The following NEBL variants were observed in gnomAD, a reference collection of about 807,000 sequenced individuals.
NEBL encodes nebulette, also known as LIM and SH3 protein 2.
NEBL carries 122 observed loss-of-function variants against 140.2 expected under a neutral mutation model. The observed-to-expected ratio is 0.87, with a 90% confidence interval of 0.75 to 1.01. NEBL has a LOEUF of 1.01. NEBL is among the 50% of genes least tolerant of loss of function. The pLI, the probability that NEBL is intolerant of heterozygous loss-of-function variation, is 0.00. For synonymous variants in NEBL, 436 were observed against 398.9 expected, an observed-to-expected ratio of 1.09 and a Z score of -1.11; for missense variants, 1,365 against 1,231.3, an observed-to-expected ratio of 1.11 and a Z score of -1.62.
chr10:21,164,422 C>G (rs1840678651), intron 2 of NEBL, among the ~76,000 whole-genome samples: 1 of 152,322 alleles, frequency 6.6e-6, no homozygotes, highest in Middle Eastern at 3.4e-3. Flanking sequence ...AAAGAGGACC[C>G]ACTGAAATGT....
chr10:21,239,645 C>T (rs919666131), intron 3 of NEBL, among the ~76,000 whole-genome samples: 4 of 152,152 alleles, frequency 2.6e-5, no homozygotes, highest in African/African-American at 7.2e-5. Context: ...GGGCCTTGAC[C>T]CTTCTCCCTT....
intron 3 of NEBL, among the ~76,000 whole-genome samples, chr10:20,983,700 T>C (rs531290707): frequency 4.6e-5 from 7 of 152,202 alleles, no homozygotes; most frequent in Non-Finnish European, 8.8e-5. Flanking sequence ...CTCATTAATA[T>C]TGGCTAGGCC....
intron 2 of NEBL, among the ~76,000 whole-genome samples, chr10:21,126,385 G>A (rs1838836026): frequency 6.6e-6 from 1 of 152,042 alleles, no homozygotes; most frequent in East Asian, 1.9e-4. Flanking sequence ...CACATAACTA[G>A]GAGCTCAAAG....
At chr10:20,789,586 G>T (rs1835742295) in intron 26 of NEBL, among the ~76,000 whole-genome samples, 1 of 152,152 alleles carries the variant, frequency 6.6e-6, no homozygotes. Context: ...GGTGGCTCAT[G>T]CCTGTAATCC....
intron 4 of NEBL, among the ~76,000 whole-genome samples, chr10:20,926,919 A>T (rs1833940328): frequency 6.6e-6 from 1 of 152,236 alleles, no homozygotes; most frequent in South Asian, 2.1e-4. Context: ...AAATGCATAG[A>T]TGAAAGAGAC....
chr10:21,081,487 T>C (rs1351366003), intron 2 of NEBL, among the ~76,000 whole-genome samples: 1 of 151,978 alleles, frequency 6.6e-6, no homozygotes, highest in Middle Eastern at 3.4e-3. Context: ...TGGTGGGAAC[T>C]CATTTTTAAT....
At chr10:21,165,724 G>A (rs1379965700) in intron 2 of NEBL, among the ~76,000 whole-genome samples, 1 of 152,148 alleles carries the variant, frequency 6.6e-6, no homozygotes, top group East Asian at 1.9e-4. Context: ...TGCACAGGGT[G>A]GTGTGGGCTC....
chr10:21,106,399 C>T (rs564318417), intron 2 of NEBL, among the ~76,000 whole-genome samples: 2 of 152,234 alleles, frequency 1.3e-5, no homozygotes, highest in South Asian at 4.2e-4. Context: ...CAGCTTTCTA[C>T]ACGTGGCTAG....
At chr10:20,959,992 G>C (rs889584812) in intron 4 of NEBL, among the ~76,000 whole-genome samples, 1 of 151,972 alleles carries the variant, frequency 6.6e-6, no homozygotes, top group African/African-American at 2.4e-5. Context: ...TGAATAAAAT[G>C]TATATTCCTG....
chr10:21,042,437 A>G (rs1464729936), intron 2 of NEBL, among the ~76,000 whole-genome samples: 1 of 152,244 alleles, frequency 6.6e-6, no homozygotes, highest in Non-Finnish European at 1.5e-5. Flanking sequence ...TAAAAATTAA[A>G]TTGTATCAAC....
chr10:21,091,844 C>G (rs12263514), intron 2 of NEBL, among the ~76,000 whole-genome samples: 3 of 152,142 alleles, frequency 2.0e-5, no homozygotes, highest in African/African-American at 7.2e-5. Flanking sequence ...CTTACCCTGG[C>G]TGATCTTGAA....
intron 26 of NEBL, among the ~76,000 whole-genome samples, chr10:20,794,688 ACT>A (rs2131660140): frequency 6.6e-6 from 1 of 152,170 alleles, no homozygotes; most frequent in Admixed American, 6.5e-5. Flanking sequence ...GTAACATAAG[ACT>A]CTACTTCCCC....
At chr10:20,990,858 C>T (rs1837430169) in intron 3 of NEBL, among the ~76,000 whole-genome samples, 1 of 152,186 alleles carries the variant, frequency 6.6e-6, no homozygotes, top group Non-Finnish European at 1.5e-5. Context: ...TCATTCATCC[C>T]TGCTCTGATT....
Position 21,054,432 on chromosome 10 carries a change from G to A in NEBL, c.165-34231C>T, listed in dbSNP as rs528471309. Among the ~76,000 whole-genome samples the A allele has an allele frequency of 1.2e-4, 18 of 152,240 alleles. 3 individuals carry two copies. Among genetic ancestry groups the A allele is most frequent in the African/African-American group, 3.9e-4 (16 of 41,544 alleles). On this transcript the variant is annotated intron_variant, in intron 2 of 6. Transcript: ENST00000417816. ...TCAACCGTTTGCCCCAAGCATTTCCGGGTCATTCTGATCTATCCAGCCTTG... is the reference window on the plus strand; with the variant it reads ...TCAACCGTTTGCCCCAAGCATTTCCAGGTCATTCTGATCTATCCAGCCTTG...
At chr10:21,147,246 A>G (rs948674360) in intron 2 of NEBL, among the ~76,000 whole-genome samples, 3 of 152,126 alleles carry the variant, frequency 2.0e-5, no homozygotes, top group Non-Finnish European at 4.4e-5. Flanking sequence ...CTGCCTCTCA[A>G]CAAGGTCTCA....
chr10:21,006,229 G>T (rs143039229), intron 3 of NEBL, among the ~76,000 whole-genome samples: 1 of 152,220 alleles, frequency 6.6e-6, no homozygotes, highest in East Asian at 1.9e-4. Context: ...TACTACAAAC[G>T]GTGCTGTCAT....
At chr10:21,049,176 T>C (rs1834653979) in intron 2 of NEBL, among the ~76,000 whole-genome samples, 1 of 152,212 alleles carries the variant, frequency 6.6e-6, no homozygotes, top group Non-Finnish European at 1.5e-5. Context: ...AATCTCATGT[T>C]TTAAAAAAAT....
chr10:21,187,197 C>G (rs1589320999), intron 3 of NEBL, among the ~76,000 whole-genome samples: 1 of 152,098 alleles, frequency 6.6e-6, no homozygotes, highest in Non-Finnish European at 1.5e-5. Flanking sequence ...GAGGTGCCTT[C>G]CACCATGATT....
chr10:21,168,447 C>T (rs1399588745), intron 2 of NEBL, among the ~76,000 whole-genome samples: 1 of 152,034 alleles, frequency 6.6e-6, no homozygotes, highest in African/African-American at 2.4e-5. Context: ...ACTTGAATAA[C>T]TGATATTGAA....
Sources: gnomAD v4.1 joint callset for allele counts (sites outside exome capture counted in the v4.1 genomes callset) on GRCh38, gnomAD v4.1.1 for gene constraint, MANE v1.5 for transcripts, NCBI Gene and HGNC (gene_info 2026-07-23, HGNC 2026-07-21) for gene names.